The following POTEJ variants were observed in gnomAD, a reference collection of about 807,000 sequenced individuals.
POTEJ encodes POTE ankyrin domain family member J.
Under a neutral mutation model 69.0 loss-of-function variants are expected in POTEJ, and 11 were observed. The observed-to-expected ratio is 0.16, with a 90% CI of 0.10 to 0.26. The LOEUF (loss-of-function observed/expected upper bound fraction) is 0.26. POTEJ is among the 10% of genes least tolerant of loss of function. POTEJ has a pLI of 1.00. For synonymous variants in POTEJ, 117 were observed against 381.1 expected, an observed-to-expected ratio of 0.31 and a Z score of 8.07; for missense variants, 327 against 1,045.5, an observed-to-expected ratio of 0.31 and a Z score of 9.48.
intron 14 of POTEJ, among the ~76,000 whole-genome samples, chr2:130,655,580 A>T (rs1686957409): frequency 6.6e-6 from 1 of 152,224 alleles, no homozygotes. Flanking sequence ...TTTATTGATA[A>T]GTATTTTCTT....
At chr2:130,615,372 T>C (rs1423634078) in intron 1 of POTEJ, among the ~76,000 whole-genome samples, 2 of 108,442 alleles carry the variant, frequency 1.8e-5, no homozygotes, top group Non-Finnish European at 3.7e-5. Context: ...GTTTTAGTTG[T>C]TTTAAGAACT....
At chr2:130,637,781 G>C (rs1686163685) in intron 9 of POTEJ, among the ~76,000 whole-genome samples, 1 of 152,192 alleles carries the variant, frequency 6.6e-6, no homozygotes, top group South Asian at 2.1e-4. Flanking sequence ...GTCAGCTGGA[G>C]ATGAACATGT....
At chr2:130,648,781 GTTT>G (rs761289482) in intron 13 of POTEJ, among the ~76,000 whole-genome samples, 42 of 81,784 alleles carry the variant, frequency 5.1e-4, no homozygotes, top group African/African-American at 1.1e-3. Flanking sequence ...CTTTCTCATA[GTTT>G]TTTTTTTTTT....
At chr2:130,639,250 C>T (rs1402599977) in intron 10 of POTEJ, among the ~76,000 whole-genome samples, 1 of 152,244 alleles carries the variant, frequency 6.6e-6, no homozygotes, top group African/African-American at 2.4e-5. Flanking sequence ...GAGCCCTGCT[C>T]TGGGAGGTCC....
intron 9 of POTEJ, among the ~76,000 whole-genome samples, chr2:130,633,761 A>G (rs1385728660): frequency 7.0e-6 from 1 of 142,390 alleles, no homozygotes; most frequent in Non-Finnish European, 1.5e-5. Context: ...GGGATTGTAC[A>G]TGGGGATCTG....
chr2:130,657,248 G>A lies in POTEJ; in HGVS notation c.2488G>A (p.Asp830Asn). Residue 830 changes from aspartate to asparagine, a missense_variant, in exon 15 of 15, where the codon GAT becomes AAT. By Grantham distance (23) the Asp-to-Asn change is conservative. Coordinates refer to ENST00000409602, the MANE Select transcript of POTEJ (RefSeq NM_001277083.2). ...DGVTHTVPIY[D>N]GNALPHATLR... ...GGTCACCCACACTGTGCCCATCTAT[G>A]ATGGGAATGCCCTCCCCCATGCCAC... 1 of 1,555,770 alleles carries A rather than the reference G, an allele frequency of 6.4e-7. No individual in the cohort carries two copies. The highest frequency in any genetic ancestry group is 1.1e-5 in the South Asian group (1 of 90,036).
intron 1 of POTEJ, among the ~76,000 whole-genome samples, chr2:130,615,741 G>A (rs1685390074): frequency 6.7e-6 from 1 of 149,196 alleles, no homozygotes; most frequent in Non-Finnish European, 1.5e-5. Flanking sequence ...CTGCACATCC[G>A]GCACATGTAT....
intron 1 of POTEJ, among the ~76,000 whole-genome samples, chr2:130,613,247 TATATATACAC>T (rs1357365278): frequency 3.5e-5 from 3 of 86,614 alleles, no homozygotes; most frequent in African/African-American, 7.4e-5. Context: ...TATATATACA[TATATATACAC>T]ATATATACAT....
intron 7 of POTEJ, among the ~76,000 whole-genome samples, chr2:130,631,076 T>C (rs1458878279): frequency 3.5e-5 from 5 of 143,382 alleles, no homozygotes; most frequent in Non-Finnish European, 7.6e-5. Flanking sequence ...TTTTGGTAGA[T>C]TTAACACATA....
At position 130,656,605 on chromosome 2, in the gene POTEJ, G is replaced by T. The variant is rs375945820; in HGVS notation, c.1845G>T (p.Arg615=). 19 of 1,609,644 alleles carry T rather than the reference G, an allele frequency of 1.2e-5. No homozygotes were observed. The highest frequency in any genetic ancestry group is 6.7e-5 in the Admixed American group (4 of 59,970). Residue 615 remains arginine, a synonymous_variant, in exon 15 of 15, where the codon CGG becomes CGT. Coordinates refer to ENST00000409602, the MANE Select transcript of POTEJ (RefSeq NM_001277083.2). Reference sequence around the variant, plus strand: ...TCTTGCATGAAAATAGTATGTTGCGGGAAGAAATTGCCATGCTAAGACTGG... The same window carrying T: ...TCTTGCATGAAAATAGTATGTTGCGTGAAGAAATTGCCATGCTAAGACTGG... ...RDFLHENSML[R]EEIAMLRLEL...
At chr2:130,638,886 A>G (rs1686214368) in intron 10 of POTEJ, among the ~76,000 whole-genome samples, 197 bp downstream of exon 10, 1 of 152,220 alleles carries the variant, frequency 6.6e-6, no homozygotes, top group African/African-American at 2.4e-5. Flanking sequence ...ATAATTATAC[A>G]ACTTACCATA....
intron 10 of POTEJ, among the ~76,000 whole-genome samples, chr2:130,642,966 T>C (rs1468350586): frequency 6.7e-6 from 1 of 150,222 alleles, no homozygotes; most frequent in Non-Finnish European, 1.5e-5. Context: ...TTAATTCTTT[T>C]TAAACCCTAA....
chr2:130,640,994 G>GC (rs1158362971), intron 10 of POTEJ, among the ~76,000 whole-genome samples: 1 of 151,848 alleles, frequency 6.6e-6, no homozygotes, highest in Non-Finnish European at 1.5e-5. Flanking sequence ...GGGTTAGCAG[G>GC]CTTTTTCTTT....
chr2:130,629,058 G>T (rs1238379566), intron 6 of POTEJ, among the ~76,000 whole-genome samples: 1 of 152,198 alleles, frequency 6.6e-6, no homozygotes, highest in African/African-American at 2.4e-5. Context: ...AAATATGTCC[G>T]AATCGTGGAG....
chr2:130,641,003 T>G lies in POTEJ; in HGVS notation c.1369+2314T>G, dbSNP rs1466199031. On this transcript the variant is annotated intron_variant, in intron 10 of 14. Coordinates refer to ENST00000409602, the MANE Select transcript of POTEJ (RefSeq NM_001277083.2). ...TAAAATGGGTTAGCAGGCTTTTTCT[T>G]TAAAGGACCAGGTGGGCAATATTTT... 5.3e-5 allele frequency among the ~76,000 whole-genome samples: 8 copies of G among 151,994 alleles called. No individual in the cohort carries two copies. In the East Asian group the frequency reaches 1.5e-3, roughly 29 times the overall value.
chr2:130,628,830 G>A (rs1685799147), intron 6 of POTEJ, among the ~76,000 whole-genome samples: 1 of 149,942 alleles, frequency 6.7e-6, no homozygotes, highest in Non-Finnish European at 1.5e-5. Flanking sequence ...GACCATCATG[G>A]CCAATGGTGA....
chr2:130,614,546 GA>G (rs1261754290), intron 1 of POTEJ, among the ~76,000 whole-genome samples: 2 of 148,590 alleles, frequency 1.3e-5, no homozygotes, highest in African/African-American at 2.6e-5. Flanking sequence ...TATCAAGTGA[GA>G]AAAAAATCAG....
intron 9 of POTEJ, among the ~76,000 whole-genome samples, chr2:130,636,695 G>C (rs1686105837): frequency 6.7e-6 from 1 of 148,386 alleles, no homozygotes; most frequent in South Asian, 2.1e-4. Flanking sequence ...TCACTGCTTA[G>C]AAAAAGGCTT....
intron 1 of POTEJ, among the ~76,000 whole-genome samples, chr2:130,612,621 G>T (rs1685253161): frequency 6.7e-6 from 1 of 148,874 alleles, no homozygotes; most frequent in South Asian, 2.1e-4. Flanking sequence ...AAATTAGCCG[G>T]GCACGGTGGC....
Sources: allele counts gnomAD v4.1 joint callset (sites outside exome capture counted in the v4.1 genomes callset), GRCh38; gene constraint gnomAD v4.1.1; transcripts MANE v1.5; gene names NCBI Gene and HGNC (gene_info 2026-07-23, HGNC 2026-07-21).